Variants in IL20RB observed in about 807,000 individuals in gnomAD.
IL20RB encodes the protein interleukin 20 receptor subunit beta.
In IL20RB, 21 loss-of-function variants were observed where a neutral mutation model predicts 33.3. The ratio of observed to expected loss-of-function variants is 0.63; its 90% CI spans 0.45 to 0.91. IL20RB has a LOEUF of 0.91. Among genes scored for constraint, IL20RB ranks in the 40% least tolerant of loss-of-function variants. The pLI, the probability that IL20RB is intolerant of heterozygous loss-of-function variation, is 0.00. For missense variants in IL20RB, 345 were observed against 384.8 expected (o/e 0.90, Z 0.86); for synonymous variants, 147 against 146.8 (o/e 1.00, Z -0.01).
intron 6 of IL20RB, among the ~76,000 whole-genome samples, chr3:137,006,656 G>A (rs1200951191): frequency 6.6e-6 from 1 of 152,066 alleles, no homozygotes; most frequent in African/African-American, 2.4e-5. Context: ...GTTTATTCTA[G>A]TTAGCCATTT....
intron 3 of IL20RB, among the ~76,000 whole-genome samples, chr3:136,987,635 G>A (rs1941937617): frequency 6.6e-6 from 1 of 152,226 alleles, no homozygotes; most frequent in African/African-American, 2.4e-5. Context: ...CCGTGGAGCA[G>A]GGGGTGGCGC....
intron 6 of IL20RB, among the ~76,000 whole-genome samples, chr3:136,996,543 C>G (rs1378933944): frequency 6.6e-6 from 1 of 152,130 alleles, no homozygotes; most frequent in East Asian, 1.9e-4. Flanking sequence ...TGTGACATCC[C>G]TGTGGCCCTG....
chr3:136,994,036 A>G (rs967776182), intron 5 of IL20RB, among the ~76,000 whole-genome samples: 2 of 152,216 alleles, frequency 1.3e-5, no homozygotes, highest in Non-Finnish European at 2.9e-5. Flanking sequence ...CTATATGTCA[A>G]TATATGTAAA....
chr3:136,991,976 G>T lies in IL20RB; in HGVS notation c.570G>T (p.Val190=). The stretch of plus-strand genomic sequence containing the variant: ...TGGTGAGGAGTGGGGGTATTCCAGT[G>T]CACCTAGAAACCATGGAGCCAGGGG... ...VKMVRSGGIP[V]HLETMEPGAA... The change falls in exon 5 of 7, where the codon GTG becomes GTT. Residue 190 remains valine (V), a synonymous_variant. Transcript: ENST00000329582. 1 of 1,614,206 alleles carries T rather than the reference G, an allele frequency of 6.2e-7. No homozygotes were observed. The highest frequency in any genetic ancestry group is 8.5e-7 in the Non-Finnish European group (1 of 1,180,030).
chr3:137,001,631 T>C (rs1365133149), intron 6 of IL20RB, among the ~76,000 whole-genome samples: 1 of 152,202 alleles, frequency 6.6e-6, no homozygotes, highest in Non-Finnish European at 1.5e-5. Flanking sequence ...TTCAAAAGGG[T>C]CTACTGAGTT....
At chr3:136,992,137 T>A in intron 5 of IL20RB, 49 bp downstream of exon 5, 2 of 1,588,802 alleles carry the variant, frequency 1.3e-6, no homozygotes, top group Admixed American at 3.4e-5. Flanking sequence ...TGATAGCCCC[T>A]CCTGGCATAT....
At chr3:136,975,622 C>G (rs919165345) in intron 1 of IL20RB, among the ~76,000 whole-genome samples, 1 of 152,224 alleles carries the variant, frequency 6.6e-6, no homozygotes, top group Non-Finnish European at 1.5e-5. Context: ...CAGGCATGAG[C>G]CGCTGCACCT....
intron 6 of IL20RB, among the ~76,000 whole-genome samples, chr3:137,009,110 C>G (rs1053386793): frequency 2.6e-5 from 4 of 152,184 alleles, no homozygotes; most frequent in Non-Finnish European, 5.9e-5. Context: ...GAGTGAGCCT[C>G]TGTGGCTGCC....
chr3:136,969,930 A>C (rs1392999976), intron 1 of IL20RB, among the ~76,000 whole-genome samples: 1 of 151,970 alleles, frequency 6.6e-6, no homozygotes, highest in Admixed American at 6.6e-5. Context: ...CCCAGCCCTG[A>C]AGATTTTCTC....
chr3:136,991,883 T>C (rs548478621), intron 4 of IL20RB, 55 bp from the exon 5 acceptor site: 37 of 1,588,232 alleles, frequency 2.3e-5, no homozygotes, highest in Admixed American at 1.0e-4. Flanking sequence ...GTGCTGGGAT[T>C]ATAGGCGTGA....
chr3:136,990,841 A>G (rs947091893), intron 4 of IL20RB, among the ~76,000 whole-genome samples: 13 of 152,166 alleles, frequency 8.5e-5, no homozygotes, highest in Non-Finnish European at 1.5e-5. Context: ...TACCCCTGCT[A>G]GGCAAGAGCC....
chr3:136,996,465 C>T (rs926713148), intron 6 of IL20RB, among the ~76,000 whole-genome samples: 2 of 152,176 alleles, frequency 1.3e-5, no homozygotes, highest in Non-Finnish European at 2.9e-5. Context: ...GCCAGAACTA[C>T]CTGCAACTTA....
chr3:136,974,878 T>C (rs1208044255), intron 1 of IL20RB, among the ~76,000 whole-genome samples: 1 of 152,236 alleles, frequency 6.6e-6, no homozygotes, highest in African/African-American at 2.4e-5. Context: ...TTTCTCCTGC[T>C]CGATCTAGTC....
intron 6 of IL20RB, 59 bp from the exon 7 acceptor site, chr3:137,010,054 T>C: frequency 2.5e-6 from 2 of 804,588 alleles, no homozygotes; most frequent in Non-Finnish European, 2.1e-6. Context: ...GTAATAATAT[T>C]CTTTAGTATT....
chr3:137,006,572 C>A (rs1356966756), intron 6 of IL20RB, among the ~76,000 whole-genome samples: 1 of 152,102 alleles, frequency 6.6e-6, no homozygotes, highest in African/African-American at 2.4e-5. Context: ...TCTACTGAAG[C>A]TTGTGCATGC....
chr3:136,972,964 A>G (rs2108186504), intron 1 of IL20RB, among the ~76,000 whole-genome samples: 1 of 152,126 alleles, frequency 6.6e-6, no homozygotes, highest in East Asian at 1.9e-4. Context: ...TGCTTTTGAT[A>G]TATCCCACAG....
rs35491086 is a variant in IL20RB at position 136,998,129 on chromosome 3, CTT to C, written c.825+2590_825+2591del. The stretch of plus-strand genomic sequence containing the variant: ...GAATTTAGGTCCATGATTTTCTTTT[CTT>C]TTTTTTTTTTTTTTTTCCCCTCTGT... On this transcript the variant is annotated intron_variant, in intron 6 of 6. Transcript: ENST00000329582. Among the ~76,000 whole-genome samples the C allele has an allele frequency of 2.5e-3, 301 of 119,418 alleles. 1 individual carries two copies. The highest frequency in any genetic ancestry group is 3.7e-3 in the East Asian group (15 of 4,008). The allele number at this position is 119,418 out of a possible 152,430, so 78.3% of individuals were successfully genotyped here.
intron 1 of IL20RB, among the ~76,000 whole-genome samples, chr3:136,978,328 G>C (rs1941679925): frequency 6.6e-6 from 1 of 151,946 alleles, no homozygotes; most frequent in Non-Finnish European, 1.5e-5. Context: ...ACCACACCCA[G>C]CTAATTTTTC....
intron 1 of IL20RB, among the ~76,000 whole-genome samples, chr3:136,964,051 C>T (rs1485838062): frequency 8.6e-5 from 5 of 58,422 alleles, no homozygotes; most frequent in South Asian, 1.2e-3. Flanking sequence ...GCATAGTATT[C>T]CATGGTGTAT....
Sources: gnomAD v4.1 joint callset for allele counts (sites outside exome capture counted in the v4.1 genomes callset) on GRCh38, gnomAD v4.1.1 for gene constraint, MANE v1.5 for transcripts, NCBI Gene and HGNC (gene_info 2026-07-23, HGNC 2026-07-21) for gene names.